CSMD1: variants seen among roughly 807,000 people sequenced by gnomAD.
CSMD1 encodes the protein CUB and sushi domain-containing protein 1.
CSMD1 carries 213 observed loss-of-function variants against 417.5 expected under a neutral mutation model. The ratio of observed to expected loss-of-function variants is 0.51; its 90% CI spans 0.46 to 0.57. The LOEUF (loss-of-function observed/expected upper bound fraction) is 0.57. CSMD1 is among the 20% of genes least tolerant of loss of function. The probability of loss-of-function intolerance (pLI) is 0.00; values close to 1 mark genes in which losing one functional copy is unlikely to be tolerated. For missense variants in CSMD1, 6,923 were observed against 4,529.7 expected, an observed-to-expected ratio of 1.53 and a Z score of -15.17; for synonymous variants, 2,862 against 1,736.8, an observed-to-expected ratio of 1.65 and a Z score of -16.11.
intron 4 of CSMD1, among the ~76,000 whole-genome samples, chr8:4,003,440 AG>A (rs1815861603): frequency 6.6e-6 from 1 of 150,956 alleles, no homozygotes; most frequent in South Asian, 2.1e-4. Context: ...ATAAATAAAT[AG>A]ATAAGTAAAT....
intron 1 of CSMD1, among the ~76,000 whole-genome samples, chr8:4,871,166 A>C (rs1031612): frequency 6.6e-6 from 1 of 152,108 alleles, no homozygotes; most frequent in African/African-American, 2.4e-5. Context: ...AATAAGTAGC[A>C]TGGGATTCAT....
At chr8:3,707,233 T>C (rs1367038390) in intron 7 of CSMD1, among the ~76,000 whole-genome samples, 2 of 152,202 alleles carry the variant, frequency 1.3e-5, no homozygotes, top group Non-Finnish European at 2.9e-5. Context: ...TTGTTTCTTT[T>C]ATTAGTTTTA....
chr8:3,134,192 G>A (rs1224319940), intron 41 of CSMD1, among the ~76,000 whole-genome samples: 2 of 151,958 alleles, frequency 1.3e-5, no homozygotes, highest in Non-Finnish European at 2.9e-5. Flanking sequence ...AAAAAAAAGA[G>A]AAAAAGAAAA....
At chr8:3,941,103 C>A (rs968408751) in intron 5 of CSMD1, among the ~76,000 whole-genome samples, 1 of 151,552 alleles carries the variant, frequency 6.6e-6, no homozygotes, top group African/African-American at 2.4e-5. Flanking sequence ...ATCATTTATG[C>A]TAGAAAATAA....
chr8:4,271,422 T>C (rs1285497441), intron 3 of CSMD1, among the ~76,000 whole-genome samples: 1 of 152,138 alleles, frequency 6.6e-6, no homozygotes, highest in Non-Finnish European at 1.5e-5. Context: ...CTGTTTGAAA[T>C]GTTGTAGGAG....
intron 6 of CSMD1, among the ~76,000 whole-genome samples, chr8:3,726,298 G>A (rs79149924): frequency 6.6e-6 from 1 of 152,142 alleles, no homozygotes; most frequent in African/African-American, 2.4e-5. Context: ...AAAAATACGT[G>A]AGCTCAGACA....
intron 12 of CSMD1, among the ~76,000 whole-genome samples, chr8:3,466,577 ATTTTTTTT>A (rs35761429): frequency 7.9e-4 from 90 of 113,604 alleles, no homozygotes; most frequent in East Asian, 2.7e-3. Context: ...CAATCAGCTA[ATTTTTTTT>A]TTTTTTTTTT....
intron 6 of CSMD1, among the ~76,000 whole-genome samples, chr8:3,709,459 G>A (rs1272799532): frequency 1.3e-5 from 2 of 152,080 alleles, no homozygotes; most frequent in South Asian, 2.1e-4. Flanking sequence ...TGCACCACAA[G>A]GTGCTCAGAC....
intron 2 of CSMD1, among the ~76,000 whole-genome samples, chr8:4,587,184 C>T (rs867418190): frequency 2.3e-4 from 35 of 152,218 alleles, no homozygotes; most frequent in African/African-American, 7.7e-4. Flanking sequence ...TTATGGCTTA[C>T]TTGAAGGGTA....
chr8:3,220,345 T>TG (rs1798130217), intron 28 of CSMD1, among the ~76,000 whole-genome samples: 1 of 152,134 alleles, frequency 6.6e-6, no homozygotes, highest in Non-Finnish European at 1.5e-5. Context: ...TAACATACAG[T>TG]CAGTCCCCAA....
chr8:3,920,562 T>A (rs1809170817), intron 5 of CSMD1, among the ~76,000 whole-genome samples: 1 of 152,174 alleles, frequency 6.6e-6, no homozygotes, highest in Admixed American at 6.6e-5. Context: ...TTCTTAAATT[T>A]AAAGAGAAAT....
At chr8:3,409,395 G>A (rs1374851161) in intron 13 of CSMD1, 28 bp downstream of exon 13, 2 of 1,578,950 alleles carry the variant, frequency 1.3e-6, no homozygotes, top group Non-Finnish European at 1.7e-6. Context: ...AGGACAGGAG[G>A]GAGTCCAGGT....
chr8:4,432,303 G>C (rs1338581588), intron 2 of CSMD1, among the ~76,000 whole-genome samples: 1 of 152,126 alleles, frequency 6.6e-6, no homozygotes, highest in East Asian at 1.9e-4. Flanking sequence ...CAAGAGCCCA[G>C]AGACTAGGCA....
At chr8:4,214,096 C>G (rs1024777234) in intron 3 of CSMD1, among the ~76,000 whole-genome samples, 2 of 151,938 alleles carry the variant, frequency 1.3e-5, no homozygotes, top group South Asian at 2.1e-4. Context: ...CATCTTACTC[C>G]CTCAATTTCA....
chr8:4,281,306 G>C (rs1417581455), intron 3 of CSMD1, among the ~76,000 whole-genome samples: 1 of 152,204 alleles, frequency 6.6e-6, no homozygotes, highest in Non-Finnish European at 1.5e-5. Flanking sequence ...ATGAAAACCT[G>C]ATAGTAACTG....
At chr8:3,835,735 A>G (rs796343751) in intron 5 of CSMD1, among the ~76,000 whole-genome samples, 3,004 of 148,584 alleles carry the variant, frequency 0.02, 115 homozygotes, top group African/African-American at 0.071. Context: ...AAAAAAAAAA[A>G]GAAATTTGGA....
chr8:4,883,793 A>G (rs1803559630), intron 1 of CSMD1, among the ~76,000 whole-genome samples: 1 of 151,960 alleles, frequency 6.6e-6, no homozygotes, highest in Admixed American at 6.5e-5. Flanking sequence ...ACATTCATGT[A>G]CACAAAAAAT....
chr8:4,949,307 A>T (rs1382411630), intron 1 of CSMD1, among the ~76,000 whole-genome samples: 2 of 46,020 alleles, frequency 4.3e-5, no homozygotes, highest in Non-Finnish European at 6.0e-5. Context: ...CTGTTTTGTT[A>T]AAAAAAAGTT....
At chr8:3,585,998 C>A in intron 9 of CSMD1, 138 bp downstream of exon 9, 4 of 845,454 alleles carry the variant, frequency 4.7e-6, no homozygotes, top group Non-Finnish European at 6.9e-6. Flanking sequence ...TTATTACCCA[C>A]ATCACTATGA....
Sources: gnomAD v4.1 joint callset for allele counts (sites outside exome capture counted in the v4.1 genomes callset) on GRCh38, gnomAD v4.1.1 for gene constraint, MANE v1.5 for transcripts, NCBI Gene and HGNC (gene_info 2026-07-23, HGNC 2026-07-21) for gene names.